Variants in NCAPG2 observed in about 807,000 individuals in gnomAD.
The protein encoded by NCAPG2 is condensin-2 complex subunit G2.
A neutral mutation model predicts 141.1 loss-of-function variants in NCAPG2; 53 were observed. That is an observed-to-expected ratio of 0.38 (90% CI 0.30 to 0.47). The LOEUF (loss-of-function observed/expected upper bound fraction) is 0.47, where lower values mean the gene tolerates loss of function less well. Among genes scored for constraint, NCAPG2 ranks in the 20% least tolerant of loss-of-function variants. NCAPG2 has a pLI of 0.99. For synonymous variants in NCAPG2, 499 were observed against 490.7 expected (o/e 1.02, Z -0.22); for missense variants, 1,087 against 1,389.0 (o/e 0.78, Z 3.46).
chr7:158,704,437 G>A (rs919281627), intron 1 of NCAPG2, among the ~76,000 whole-genome samples: 33 of 146,804 alleles, frequency 2.2e-4, no homozygotes, highest in Non-Finnish European at 4.7e-4. Flanking sequence ...CATGCTCAGG[G>A]CTGGGGGGTC....
chr7:158,701,409 C>T (rs1292014047), intron 2 of NCAPG2, among the ~76,000 whole-genome samples: 5 of 152,202 alleles, frequency 3.3e-5, no homozygotes, highest in Non-Finnish European at 5.9e-5. Flanking sequence ...CCCTTGCCTA[C>T]AGCTCGCTCC....
chr7:158,662,087 G>A, intron 16 of NCAPG2, 107 bp downstream of exon 16: 1 of 1,066,908 alleles, frequency 9.4e-7, no homozygotes, highest in Non-Finnish European at 1.3e-6. Flanking sequence ...TCATTTTACA[G>A]ATGAGAACAC....
chr7:158,697,553 A>G (rs1587309978), intron 2 of NCAPG2, among the ~76,000 whole-genome samples: 1 of 152,104 alleles, frequency 6.6e-6, no homozygotes, highest in South Asian at 2.1e-4. Context: ...GTGAGCCAAG[A>G]CGACGCCACT....
intron 22 of NCAPG2, among the ~76,000 whole-genome samples, chr7:158,654,117 C>T (rs374342522): frequency 5.3e-5 from 8 of 152,284 alleles, no homozygotes; most frequent in African/African-American, 9.6e-5. Context: ...TGATGTGATT[C>T]GAGGGCTGTC....
At chr7:158,684,257 C>T (rs1365710492) in intron 8 of NCAPG2, among the ~76,000 whole-genome samples, 4 of 152,206 alleles carry the variant, frequency 2.6e-5, no homozygotes, top group African/African-American at 7.2e-5. Flanking sequence ...AAGTTGAATC[C>T]AAACCTTTAG....
intron 22 of NCAPG2, among the ~76,000 whole-genome samples, 154 bp downstream of exon 22, chr7:158,654,441 G>A (rs1165111188): frequency 1.3e-5 from 2 of 152,138 alleles, no homozygotes; most frequent in Non-Finnish European, 2.9e-5. Context: ...TAATTTCCGG[G>A]CTGAACCACC....
intron 2 of NCAPG2, among the ~76,000 whole-genome samples, chr7:158,695,169 G>A (rs1402303299): frequency 1.3e-5 from 2 of 152,120 alleles, no homozygotes; most frequent in African/African-American, 2.4e-5. Flanking sequence ...AAGATCAAGA[G>A]GTTCTATTCA....
At chr7:158,656,053 C>T (rs1831949006) in intron 19 of NCAPG2, among the ~76,000 whole-genome samples, 1 of 152,222 alleles carries the variant, frequency 6.6e-6, no homozygotes, top group Non-Finnish European at 1.5e-5. Context: ...TGTGAGATTT[C>T]TGAACACGTG....
rs772140188 is a variant in NCAPG2, at chr7:158,671,586, G to A, written c.1407C>T (p.His469=). The A allele has an allele frequency of 1.7e-5, 28 of 1,614,026 alleles. No individual in the cohort carries two copies. Among genetic ancestry groups the A allele is most frequent in the Admixed American group, 6.7e-5 (4 of 60,006 alleles). The change falls in exon 13 of 28, where the codon CAC becomes CAT. Residue 469 remains histidine (H), a synonymous_variant. Coordinates refer to ENST00000356309, the MANE Select transcript of NCAPG2 (RefSeq NM_017760.7). ...CTACCCTCACTTTCTCCGAATTGTC[G>A]TGGAGACTGTATCTGAGAGCTGGAA... ...QLLPALRYSL[H]DNSEKVRVAF...
chr7:158,702,052 G>A, intron 1 of NCAPG2, 114 bp from the exon 2 acceptor site: 1 of 581,546 alleles, frequency 1.7e-6, no homozygotes, highest in East Asian at 3.2e-5. Context: ...ACGTATGGCA[G>A]ACAGTTTCTA....
intron 5 of NCAPG2, among the ~76,000 whole-genome samples, 181 bp from the exon 6 acceptor site, chr7:158,690,134 A>AC (rs1456409189): frequency 6.6e-6 from 1 of 152,186 alleles, no homozygotes; most frequent in Admixed American, 6.5e-5. Flanking sequence ...TCTACAGAAC[A>AC]TTTTTTTAAA....
intron 27 of NCAPG2, among the ~76,000 whole-genome samples, chr7:158,638,174 A>G (rs182123285): frequency 6.6e-6 from 1 of 152,134 alleles, no homozygotes; most frequent in African/African-American, 2.4e-5. Flanking sequence ...CCTGACACTG[A>G]GCTTTCCCTA....
chr7:158,637,206 C>CA, intron 27 of NCAPG2, among the ~76,000 whole-genome samples: 1 of 152,348 alleles, frequency 6.6e-6, no homozygotes, highest in Admixed American at 6.5e-5. Flanking sequence ...CTTGGCCTCC[C>CA]AAAGTGCTGA....
At chr7:158,652,569 T>G in intron 22 of NCAPG2, 89 bp from the exon 23 acceptor site, 1 of 1,073,968 alleles carries the variant, frequency 9.3e-7, no homozygotes, top group East Asian at 2.5e-5. Context: ...ATGTATAAAA[T>G]GGTAACAAAA....
chr7:158,649,728 C>T (rs1277904487), intron 24 of NCAPG2, among the ~76,000 whole-genome samples: 1 of 152,140 alleles, frequency 6.6e-6, no homozygotes, highest in Admixed American at 6.5e-5. Context: ...TTATGATTCA[C>T]GTAAATATTA....
In NCAPG2 at chr7:158,703,936, G is replaced by A. The variant is rs115458708; in HGVS notation, c.-40+788C>T. Among the ~76,000 whole-genome samples, 987 of 152,150 alleles carry A rather than the reference G, an allele frequency of 6.5e-3. 14 individuals are homozygous for A. The highest frequency in any genetic ancestry group is 0.022 in the African/African-American group (914 of 41,526). ...CTCAGGGGGACTCTCTCTAAGGGCA[G>A]TACCGACACCCAGGACTGAGGGGAC... On this transcript the variant is annotated intron_variant, in intron 1 of 27. Transcript: ENST00000356309.
intron 26 of NCAPG2, 137 bp from the exon 27 acceptor site, chr7:158,644,525 C>T (rs1469572715): frequency 1.6e-5 from 11 of 672,492 alleles, no homozygotes; most frequent in Middle Eastern, 3.7e-4. Context: ...CATACTGACC[C>T]GCGGAATAGT....
chr7:158,645,497 G>A (rs1387050915), intron 26 of NCAPG2, 22 bp downstream of exon 26: 2 of 1,603,790 alleles, frequency 1.2e-6, no homozygotes, highest in Non-Finnish European at 1.7e-6. Flanking sequence ...CCTTCCAGAT[G>A]ACAGAGGGGA....
At position 158,668,344 on chromosome 7, in the gene NCAPG2, C is replaced by CT. The variant is rs1833416673; in HGVS notation, c.1479+3169dup. 5.2e-6 allele frequency: 5 copies of CT among 969,236 alleles called. No individual in the cohort carries two copies. The African/African-American group carries it at 8.1e-5, about 16-fold the overall frequency. 60.0% of individuals were successfully genotyped at this position (969,236 alleles called of 1,614,324 possible). On this transcript the variant is annotated intron_variant, in intron 13 of 27. Coordinates refer to ENST00000356309, the MANE Select transcript of NCAPG2 (RefSeq NM_017760.7). The stretch of plus-strand genomic sequence containing the variant: ...TCCCTCCGCCCTCCCTTACCCACAA[C>CT]TGGGTCCCTCCGCCCTCCTTACCCA...
Sources: allele counts gnomAD v4.1 joint callset (sites outside exome capture counted in the v4.1 genomes callset), GRCh38; gene constraint gnomAD v4.1.1; transcripts MANE v1.5; gene names NCBI Gene and HGNC (gene_info 2026-07-23, HGNC 2026-07-21).